The following NREP variants were observed in gnomAD, a reference collection of about 807,000 sequenced individuals.
NREP encodes the protein neuronal regeneration related protein.
A neutral mutation model predicts 8.6 loss-of-function variants in NREP; 5 were observed. That is an observed-to-expected ratio of 0.58 (90% CI 0.30 to 1.22). NREP has a LOEUF of 1.22. Ranked by LOEUF, NREP falls within the 50% of genes most tolerant of loss-of-function variation. NREP has a pLI of 0.07. For missense variants in NREP, 86 were observed against 82.5 expected, an observed-to-expected ratio of 1.04 and a Z score of -0.17; for synonymous variants, 27 against 28.0, an observed-to-expected ratio of 0.96 and a Z score of 0.11.
intron 2 of NREP, among the ~76,000 whole-genome samples, chr5:111,806,541 G>A (rs1337793399): frequency 6.6e-6 from 1 of 152,140 alleles, no homozygotes; most frequent in Non-Finnish European, 1.5e-5. Context: ...GTATTTTGGG[G>A]GAGAGGTGAG....
At chr5:111,766,906 T>C (rs1561658201) in intron 2 of NREP, among the ~76,000 whole-genome samples, 1 of 152,250 alleles carries the variant, frequency 6.6e-6, no homozygotes, top group Non-Finnish European at 1.5e-5. Flanking sequence ...TCTTCATTGG[T>C]TGCTAAGTTC....
chr5:111,777,846 G>T (rs932803051), intron 2 of NREP, among the ~76,000 whole-genome samples: 3 of 151,950 alleles, frequency 2.0e-5, no homozygotes, highest in Non-Finnish European at 2.9e-5. Flanking sequence ...CTCCTAGTAG[G>T]TCCCATCACT....
chr5:111,869,809 G>A (rs1286713510), intron 2 of NREP, among the ~76,000 whole-genome samples: 1 of 152,172 alleles, frequency 6.6e-6, no homozygotes, highest in Admixed American at 6.6e-5. Context: ...ACTGATGAAA[G>A]AGTAGGTAAA....
At chr5:111,788,850 C>G (rs1373410399) in intron 2 of NREP, among the ~76,000 whole-genome samples, 1 of 152,178 alleles carries the variant, frequency 6.6e-6, no homozygotes, top group Non-Finnish European at 1.5e-5. Context: ...GATTGCCTTC[C>G]CTAATGTGGG....
In NREP at chr5:111,838,706, T is replaced by C. The variant is rs73789520; in HGVS notation, c.136-103199A>G. On this transcript the variant is annotated intron_variant, in intron 2 of 3. Transcript: ENST00000395634. Reference sequence around the variant, plus strand: ...ATTATTTCCTTGAAATTCATGATGATATATATATATGTGTGTGTGTTTGTA... The same window carrying C: ...ATTATTTCCTTGAAATTCATGATGACATATATATATGTGTGTGTGTTTGTA... 1.0e-2 allele frequency among the ~76,000 whole-genome samples: 1,512 copies of C among 151,840 alleles called. 9 individuals are homozygous for C. Among genetic ancestry groups the C allele is most frequent in the Middle Eastern group, 0.044 (13 of 294 alleles).
Position 111,892,853 on chromosome 5 carries a change from G to T in NREP, c.135+82421C>A, listed in dbSNP as rs117371949. On this transcript the variant is annotated intron_variant, in intron 2 of 3. Transcript: ENST00000395634. ...CCCTACGAAAATTTGGGTTTCTTAGGATCTGAGGGTAGTGGATCTTTCATT... is the reference window on the plus strand; with the variant it reads ...CCCTACGAAAATTTGGGTTTCTTAGTATCTGAGGGTAGTGGATCTTTCATT... Among the ~76,000 whole-genome samples the T allele has an allele frequency of 8.4e-4, 128 of 152,212 alleles. 2 individuals are homozygous for T. In the East Asian group the frequency reaches 0.02, roughly 24 times the overall value.
chr5:111,754,010 C>A (rs1750544852), intron 2 of NREP, among the ~76,000 whole-genome samples: 1 of 152,116 alleles, frequency 6.6e-6, no homozygotes, highest in Non-Finnish European at 1.5e-5. Flanking sequence ...CAGACAATAA[C>A]TGTCAGTGGT....
chr5:111,732,376 A>G (rs1748671815), intron 3 of NREP: 1 of 151,978 alleles, frequency 6.6e-6, no homozygotes, highest in South Asian at 2.1e-4. Context: ...GTATGCCTCA[A>G]TTTTTTACTT....
intron 2 of NREP, among the ~76,000 whole-genome samples, chr5:111,817,236 T>C (rs1228672577): frequency 1.1e-4 from 17 of 152,192 alleles, no homozygotes; most frequent in Admixed American, 1.0e-3. Context: ...CAGTTTTACT[T>C]ATTCCTTCAC....
intron 2 of NREP, among the ~76,000 whole-genome samples, chr5:111,948,079 C>T (rs1197662964): frequency 6.6e-6 from 1 of 151,814 alleles, no homozygotes; most frequent in Non-Finnish European, 1.5e-5. Context: ...TTTGTTAGTC[C>T]CAATTTTTGA....
intron 2 of NREP, among the ~76,000 whole-genome samples, chr5:111,863,715 T>C (rs1753602817): frequency 6.6e-6 from 1 of 152,114 alleles, no homozygotes; most frequent in South Asian, 2.1e-4. Context: ...TGTCAAGTAG[T>C]GATGAGAAGT....
At chr5:111,865,641 T>C (rs1278540483) in intron 2 of NREP, among the ~76,000 whole-genome samples, 1 of 152,184 alleles carries the variant, frequency 6.6e-6, no homozygotes, top group Non-Finnish European at 1.5e-5. Context: ...AGTTATGACT[T>C]AGCCTAATAC....
chr5:111,800,015 G>T (rs1240950104), intron 2 of NREP, among the ~76,000 whole-genome samples: 1 of 151,906 alleles, frequency 6.6e-6, no homozygotes, highest in Non-Finnish European at 1.5e-5. Context: ...CACCTCCCAG[G>T]TTCAAGTGAT....
intron 2 of NREP, among the ~76,000 whole-genome samples, chr5:111,769,406 T>A (rs1751164184): frequency 6.6e-6 from 1 of 152,064 alleles, no homozygotes; most frequent in African/African-American, 2.4e-5. Flanking sequence ...TAAAGAAAAT[T>A]AACAACAACA....
chr5:111,959,316 G>T (rs1182723524), intron 2 of NREP, among the ~76,000 whole-genome samples: 1 of 151,926 alleles, frequency 6.6e-6, no homozygotes, highest in Non-Finnish European at 1.5e-5. Flanking sequence ...TTGAGGAAGG[G>T]GTAAGTGAGT....
At chr5:111,731,185 C>CAG (rs1007228016) in intron 3 of NREP, 139 bp from the exon 4 acceptor site, 12 of 813,300 alleles carry the variant, frequency 1.5e-5, no homozygotes, top group Non-Finnish European at 2.3e-5. Context: ...TTTTGCAAAA[C>CAG]AGAGTTTACA....
intron 2 of NREP, among the ~76,000 whole-genome samples, chr5:111,860,096 A>T: frequency 6.6e-6 from 1 of 152,192 alleles, no homozygotes; most frequent in East Asian, 1.9e-4. Flanking sequence ...TTCCAGGAAT[A>T]AACTTTCTTG....
chr5:111,842,177 C>T (rs962177725), intron 2 of NREP, among the ~76,000 whole-genome samples: 1 of 152,110 alleles, frequency 6.6e-6, no homozygotes, highest in Admixed American at 6.6e-5. Context: ...TAATTGTTGG[C>T]TGGAAAAAGT....
rs1748375361 is a variant in NREP, at chr5:111,729,651, A to C, written c.*1270T>G. Reference sequence around the variant, plus strand: ...GAACAAGGCCTGCCCTGTCAAAAGAAGAGCTAAAGACAGTTATATAAAAAT... The same window carrying C: ...GAACAAGGCCTGCCCTGTCAAAAGACGAGCTAAAGACAGTTATATAAAAAT... On this transcript the variant is annotated 3_prime_UTR_variant, in exon 4 of 4. Transcript: ENST00000257435. 6.6e-6 allele frequency: 1 copy of C among 152,652 alleles called. No individual in the cohort carries two copies. The highest frequency in any genetic ancestry group is 2.1e-4 in the South Asian group (1 of 4,832). The allele number at this position is 152,652 out of a possible 1,614,324, so 9.5% of individuals were successfully genotyped here. A position where few individuals can be genotyped will look rare whatever the true frequency, so the allele number is the denominator to read the frequency against.
Sources: allele counts gnomAD v4.1 joint callset (sites outside exome capture counted in the v4.1 genomes callset), GRCh38; gene constraint gnomAD v4.1.1; transcripts MANE v1.5; gene names NCBI Gene and HGNC (gene_info 2026-07-23, HGNC 2026-07-21).